The following GAS6 variants were observed in gnomAD, a reference collection of about 807,000 sequenced individuals.
GAS6 encodes the protein growth arrest-specific protein 6.
A neutral mutation model predicts 75.8 loss-of-function variants in GAS6; 41 were observed. The observed-to-expected ratio is 0.54, with a 90% CI of 0.42 to 0.70. The LOEUF (loss-of-function observed/expected upper bound fraction) is 0.70. Among genes scored for constraint, GAS6 ranks in the 30% least tolerant of loss-of-function variants. The probability of loss-of-function intolerance (pLI) is 0.00; values close to 1 mark genes in which losing one functional copy is unlikely to be tolerated. For missense variants in GAS6, 854 were observed against 940.2 expected (o/e 0.91, Z 1.20); for synonymous variants, 432 against 412.6 (o/e 1.05, Z -0.57).
rs550302866 is a variant in GAS6, at chr13:113,821,410, TTGCCGCAAGTGAAAACC to T, written c.1883-409_1883-393del. On this transcript the variant is annotated intron_variant, in intron 14 of 14. Coordinates refer to ENST00000327773, the MANE Select transcript of GAS6 (RefSeq NM_000820.4). ...GCAGCCAAGAGAGAAATCCTGCCGT[TTGCCGCAAGTGAAAACC>T]TGCGGGCAGCCGAGGACTTGCCGGC... is the stretch of plus-strand genomic sequence containing the variant. 1.6e-4 allele frequency: 38 copies of T among 240,444 alleles called. 1 individual carries two copies. Among genetic ancestry groups the T allele is most frequent in the Middle Eastern group, 3.2e-3 (2 of 630 alleles). The allele number at this position is 240,444 out of a possible 1,614,324, so 14.9% of individuals were successfully genotyped here. A position where few individuals can be genotyped will look rare whatever the true frequency, so the allele number is the denominator to read the frequency against.
rs761638247 is a variant in GAS6, at chr13:113,838,070, T to A, written c.588A>T (p.Gln196His). 1.3e-5 allele frequency: 21 copies of A among 1,612,452 alleles called. 1 individual carries two copies. The highest frequency in any genetic ancestry group is 1.1e-4 in the East Asian group (5 of 44,868). ...FELSSDGRTC[Q>H]DIDECADSEA... ...AGAGGCCTCACCCCAGGGCCTTACC[T>A]TGGCAGGTCCTGCCATCAGAGGAGA... is the stretch of plus-strand genomic sequence containing the variant. Residue 196 changes from glutamine (Q) to histidine (H), a missense_variant and splice_region_variant, in exon 6 of 15, where the codon CAA becomes CAT. By Grantham distance (24) the Gln-to-His change is conservative. Transcript: ENST00000327773.
chr13:113,862,042 G>A (rs2051975889), intron 2 of GAS6, among the ~76,000 whole-genome samples: 1 of 152,200 alleles, frequency 6.6e-6, no homozygotes, highest in African/African-American at 2.4e-5. Context: ...AAGTGATGGG[G>A]TCCTGAGTGC....
At chr13:113,847,195 C>T (rs1057431650) in intron 3 of GAS6, 3 of 284,194 alleles carry the variant, frequency 1.1e-5, no homozygotes, top group South Asian at 2.9e-5. Context: ...GGATGAACAG[C>T]GGAAGGCCTC....
At chr13:113,857,816 G>T (rs527457894) in intron 2 of GAS6, among the ~76,000 whole-genome samples, 5 of 152,368 alleles carry the variant, frequency 3.3e-5, no homozygotes, top group Admixed American at 1.3e-4. Flanking sequence ...TGAGGGTGTC[G>T]TGTGCAGGGC....
At chr13:113,858,659 A>G (rs1263933414) in intron 2 of GAS6, among the ~76,000 whole-genome samples, 1 of 80,596 alleles carries the variant, frequency 1.2e-5, no homozygotes, top group South Asian at 7.8e-4. Flanking sequence ...GTATGTGTAC[A>G]TGTCTGTGTG....
intron 10 of GAS6, among the ~76,000 whole-genome samples, chr13:113,830,659 C>T (rs539177562): frequency 1.4e-4 from 15 of 107,564 alleles, no homozygotes; most frequent in Non-Finnish European, 2.0e-4. Context: ...CCTGCAACAC[C>T]GCTCCCCCAG....
intron 3 of GAS6, 145 bp from the exon 4 acceptor site, chr13:113,846,734 G>A (rs2051836727): frequency 3.0e-6 from 2 of 668,788 alleles, no homozygotes; most frequent in Admixed American, 5.1e-5. Context: ...CGCTTAGCTT[G>A]TGTTAATAAA....
At chr13:113,857,955 C>T (rs1254178245) in intron 2 of GAS6, among the ~76,000 whole-genome samples, 2 of 152,358 alleles carry the variant, frequency 1.3e-5, no homozygotes, top group Admixed American at 6.5e-5. Context: ...GCACGGAAGA[C>T]GGCCCTCAGA....
chr13:113,860,245 G>A (rs572906558), intron 2 of GAS6, among the ~76,000 whole-genome samples: 13 of 152,330 alleles, frequency 8.5e-5, no homozygotes, highest in African/African-American at 3.1e-4. Flanking sequence ...ACAGGTGCAG[G>A]TTGCTAATCC....
At chr13:113,823,626 G>A in intron 12 of GAS6, 76 bp from the exon 13 acceptor site, 3 of 1,417,866 alleles carry the variant, frequency 2.1e-6, no homozygotes, top group Non-Finnish European at 2.9e-6. Flanking sequence ...AGGGCCTCGA[G>A]AGATGCAGTC....
At chr13:113,824,353 T>C (rs76957715) in intron 12 of GAS6, among the ~76,000 whole-genome samples, 51 of 51,028 alleles carry the variant, frequency 1.0e-3, no homozygotes, top group Admixed American at 1.8e-3. Context: ...CGGGAGCACC[T>C]GCGGTCTGGG....
In GAS6 at chr13:113,821,112, G is replaced by A. The variant is rs536637695; in HGVS notation, c.1883-94C>T. 9.4e-6 allele frequency: 13 copies of A among 1,383,826 alleles called. No individual in the cohort carries two copies. The East Asian group carries it at 1.4e-4, about 15-fold the overall frequency. The allele number at this position is 1,383,826 out of a possible 1,614,324, so 85.7% of individuals were successfully genotyped here. ...CCCGGCAGCGCTTGTGGCCAGCCCC[G>A]GGTTCCCTCCGAAAGGGCAGGGTTT... On this transcript the variant is annotated intron_variant, in intron 14 of 14. Transcript: ENST00000327773.
At chr13:113,833,207 G>A (rs2051651812) in intron 8 of GAS6, 9 of 1,104,726 alleles carry the variant, frequency 8.1e-6, no homozygotes, top group Non-Finnish European at 8.9e-6. Context: ...TGACACCCCT[G>A]GAAGATGGAG....
chr13:113,821,741 C>T (rs1297165165), intron 14 of GAS6: 17 of 546,128 alleles, frequency 3.1e-5, no homozygotes, highest in Non-Finnish European at 4.2e-5. Flanking sequence ...TGCCGGCCCC[C>T]GTACGTGTTT....
Position 113,844,883 on chromosome 13 carries a change from C to G in GAS6, c.343+1644G>C, listed in dbSNP as rs917092726. On this transcript the variant is annotated intron_variant, in intron 4 of 14. Coordinates refer to ENST00000327773, the MANE Select transcript of GAS6 (RefSeq NM_000820.4). This position sits in a 1 kb window ranked among gnomAD's most constrained non-coding sequence, Gnocchi z 5.7. ...TCATCCATCACGTCAAAAGAAATTA[C>G]GGGCGGGTCACAGATGAAAACACCT... is the stretch of plus-strand genomic sequence containing the variant. The G allele has an allele frequency of 2.7e-5, 4 of 150,708 alleles. 1 individual carries two copies. The highest frequency in any genetic ancestry group is 7.5e-5 in the African/African-American group (3 of 40,096). 9.3% of individuals were successfully genotyped at this position (150,708 alleles called of 1,614,324 possible).
At chr13:113,836,081 G>A in intron 6 of GAS6, 1 of 986,142 alleles carries the variant, frequency 1.0e-6, no homozygotes, top group Non-Finnish European at 1.2e-6. Flanking sequence ...CCTAAGACTT[G>A]AGCATCTAAT....
intron 4 of GAS6, chr13:113,843,117 CAG>C (rs772461371): frequency 9.2e-5 from 32 of 348,836 alleles, no homozygotes; most frequent in Non-Finnish European, 1.5e-4. Flanking sequence ...GCGATGGAGA[CAG>C]AAACCTCTGC....
chr13:113,863,297 C>T lies in GAS6; in HGVS notation c.255+278G>A, dbSNP rs755650598. 3.9e-5 allele frequency among the ~76,000 whole-genome samples: 6 copies of T among 152,154 alleles called. No individual in the cohort carries two copies. The highest frequency in any genetic ancestry group is 9.7e-5 in the African/African-American group (4 of 41,450). On this transcript the variant is annotated intron_variant, in intron 2 of 14. Transcript: ENST00000327773. The surrounding 1 kb of genome is among the most constrained non-coding windows in gnomAD (Gnocchi z 9.4). The stretch of plus-strand genomic sequence containing the variant: ...TTTGGGTTTTAACCATTGTGTTTCT[C>T]TCGCACTTTGGAAACGGACTCCCGG...
In GAS6 at chr13:113,837,534, C is replaced by T. The variant is rs753038325; in HGVS notation, c.589+535G>A. ...GCAGCACCTGGAACAGCGTCGGGGG[C>T]GCGCACATTCACAGTGACTTTCTGG... On this transcript the variant is annotated intron_variant, in intron 6 of 14. Coordinates refer to ENST00000327773, the MANE Select transcript of GAS6 (RefSeq NM_000820.4). This position sits in a 1 kb window ranked among gnomAD's most constrained non-coding sequence, Gnocchi z 5.1. Among the ~76,000 whole-genome samples the T allele has an allele frequency of 2.4e-4, 36 of 152,280 alleles. No homozygotes were observed. Among genetic ancestry groups the T allele is most frequent in the Non-Finnish European group, 4.0e-4 (27 of 68,020 alleles).
Sources: allele counts gnomAD v4.1 joint callset (sites outside exome capture counted in the v4.1 genomes callset), GRCh38; gene constraint gnomAD v4.1.1; non-coding constraint Gnocchi (gnomAD v3.1); transcripts MANE v1.5; gene names NCBI Gene and HGNC (gene_info 2026-07-23, HGNC 2026-07-21).